Variants in RHAG observed in about 807,000 individuals in gnomAD.
RHAG encodes Rh associated glycoprotein.
Under a neutral mutation model 42.4 loss-of-function variants are expected in RHAG, and 25 were observed. That is an observed-to-expected ratio of 0.59 (90% CI 0.43 to 0.82). The LOEUF (loss-of-function observed/expected upper bound fraction) is 0.82, where lower values mean the gene tolerates loss of function less well. RHAG is among the 40% of genes least tolerant of loss of function. RHAG has a pLI of 0.00. For missense variants in RHAG, 483 were observed against 504.6 expected (o/e 0.96, Z 0.41); for synonymous variants, 182 against 177.7 (o/e 1.02, Z -0.19).
rs764910516 is a variant in RHAG, at chr6:49,614,844, A to C, written c.650T>G (p.Phe217Cys). 4 of 1,614,196 alleles carry C rather than the reference A, an allele frequency of 2.5e-6. No individual in the cohort carries two copies. The highest frequency in any genetic ancestry group is 2.5e-6 in the Non-Finnish European group (3 of 1,180,022). Residue 217 changes from phenylalanine to cysteine, a missense_variant, in exon 5 of 10, where the codon TTT becomes TGT. Physicochemically the swap from Phe to Cys is radical, Grantham distance 205. Coordinates refer to ENST00000371175, the MANE Select transcript of RHAG (RefSeq NM_000324.3). ...AAAGCTGGGCCAAAACATCCACAGA[A>C]AGAGAGTCCCTGTAGTGAACCAAAA... is the stretch of plus-strand genomic sequence containing the variant. The part of the protein sequence containing the change: ...SDLFAMIGTL[F>C]LWMFWPSFNS...
chr6:49,629,590 G>A (rs1762901238), intron 1 of RHAG, among the ~76,000 whole-genome samples: 1 of 152,154 alleles, frequency 6.6e-6, no homozygotes, highest in Non-Finnish European at 1.5e-5. Context: ...TGGGCGCCGT[G>A]GAGCAGGGGG....
rs568222244 is a variant in RHAG, at chr6:49,616,496, T to A, written c.493-725A>T. On this transcript the variant is annotated intron_variant, in intron 3 of 9. Coordinates refer to ENST00000371175, the MANE Select transcript of RHAG (RefSeq NM_000324.3). The stretch of plus-strand genomic sequence containing the variant: ...ACCAGAGTTTTTACCCATATTTTTT[T>A]AATTCTGCTCTATGATGACATGAAA... Among the ~76,000 whole-genome samples the A allele has an allele frequency of 8.1e-4, 124 of 152,276 alleles. 2 individuals carry two copies. The highest frequency in any genetic ancestry group is 2.7e-3 in the African/African-American group (111 of 41,566).
rs562208821 is a variant in RHAG at position 49,618,051 on chromosome 6, A to C, written c.492+17T>G. ...TGATGCCCAAAGCTAGGAAAGTATA[A>C]ATTTTCTAACTCTTACCTTAAATAT... On this transcript the variant is annotated intron_variant, in intron 3 of 9. Transcript: ENST00000371175. 247 of 1,612,212 alleles carry C rather than the reference A, an allele frequency of 1.5e-4. 3 individuals carry two copies. In the South Asian group the frequency reaches 2.6e-3, roughly 17 times the overall value.
At chr6:49,636,293 C>T (rs1192952528) in intron 1 of RHAG, among the ~76,000 whole-genome samples, 1 of 152,130 alleles carries the variant, frequency 6.6e-6, no homozygotes, top group African/African-American at 2.4e-5. Flanking sequence ...TCTCTCTCCT[C>T]CAAAGTTACC....
intron 1 of RHAG, among the ~76,000 whole-genome samples, chr6:49,633,788 T>C (rs1358795990): frequency 6.6e-6 from 1 of 152,148 alleles, no homozygotes; most frequent in Non-Finnish European, 1.5e-5. Context: ...ACATCTCTTG[T>C]CCAAATGCAT....
Position 49,636,820 on chromosome 6 carries a change from G to T in RHAG, c.-8C>A. ...AGGGAATGTGAACCTCATGTTTGTG[G>T]CAAAGGACAGAGGCACACTGAGAGC... On this transcript the variant is annotated 5_prime_UTR_variant, in exon 1 of 10. Coordinates refer to ENST00000371175, the MANE Select transcript of RHAG (RefSeq NM_000324.3). 1 of 1,613,482 alleles carries T rather than the reference G, an allele frequency of 6.2e-7. No individual in the cohort carries two copies. The highest frequency in any genetic ancestry group is 8.5e-7 in the Non-Finnish European group (1 of 1,179,574).
intron 7 of RHAG, among the ~76,000 whole-genome samples, chr6:49,607,766 T>G (rs1182433549): frequency 6.6e-6 from 1 of 152,168 alleles, no homozygotes; most frequent in African/African-American, 2.4e-5. Flanking sequence ...GCCATTGAAG[T>G]GCATAAAGGT....
chr6:49,618,365 A>G, intron 2 of RHAG, 147 bp from the exon 3 acceptor site: 4 of 793,204 alleles, frequency 5.0e-6, no homozygotes, highest in East Asian at 2.6e-5. Flanking sequence ...CTTTTTGACC[A>G]GACACTCTTT....
In RHAG at chr6:49,630,606, G is replaced by C. The variant is rs531882758; in HGVS notation, c.157+6050C>G. Among the ~76,000 whole-genome samples, 7 of 152,132 alleles carry C rather than the reference G, an allele frequency of 4.6e-5. No individual in the cohort carries two copies. The East Asian group carries it at 1.2e-3, about 25-fold the overall frequency. On this transcript the variant is annotated intron_variant, in intron 1 of 9. Coordinates refer to ENST00000371175, the MANE Select transcript of RHAG (RefSeq NM_000324.3). ...CCTTCCTCCCTCTAAATATATTATT[G>C]TTACATATTTCAAATATTTAGAAAA... is the stretch of plus-strand genomic sequence containing the variant.
chr6:49,621,863 G>C (rs1581945559), intron 1 of RHAG, among the ~76,000 whole-genome samples: 1 of 152,042 alleles, frequency 6.6e-6, no homozygotes, highest in South Asian at 2.1e-4. Context: ...ATTTAGGTCA[G>C]GACACTGAGA....
intron 1 of RHAG, among the ~76,000 whole-genome samples, chr6:49,625,307 T>C (rs560993843): frequency 1.3e-5 from 2 of 152,350 alleles, no homozygotes; most frequent in Non-Finnish European, 2.9e-5. Context: ...CAATCTGGGT[T>C]GGAATCTGAC....
intron 5 of RHAG, among the ~76,000 whole-genome samples, chr6:49,614,184 T>A (rs2127351694): frequency 6.6e-6 from 1 of 151,768 alleles, no homozygotes; most frequent in South Asian, 2.1e-4. Context: ...GACAAAAATT[T>A]TTTTTTTCTT....
chr6:49,623,945 C>G (rs6918385), intron 1 of RHAG, among the ~76,000 whole-genome samples: 144,037 of 152,286 alleles, frequency 0.95, 68,141 homozygotes, highest in East Asian at 0.99. Context: ...AAGATAGCAG[C>G]GGGGAGGGAA....
At position 49,610,958 on chromosome 6, in the gene RHAG, C is replaced by A. The variant is rs575755301; in HGVS notation, c.1067+66G>T. On this transcript the variant is annotated intron_variant, in intron 7 of 9. Transcript: ENST00000371175. ...AGAACAGCTAAAATGAAAACTCTCC[C>A]ATTTCTCAGAGTGAGAGAAAACATC... 1.6e-5 allele frequency: 26 copies of A among 1,597,452 alleles called. No homozygotes were observed. In the African/African-American group the frequency reaches 1.9e-4, roughly 12 times the overall value.
At chr6:49,633,464 A>G (rs766952597) in intron 1 of RHAG, among the ~76,000 whole-genome samples, 1 of 152,206 alleles carries the variant, frequency 6.6e-6, no homozygotes, top group Non-Finnish European at 1.5e-5. Flanking sequence ...ATATATATGT[A>G]TATAACACCT....
At chr6:49,627,866 C>A (rs913593124) in intron 1 of RHAG, among the ~76,000 whole-genome samples, 1 of 152,098 alleles carries the variant, frequency 6.6e-6, no homozygotes, top group East Asian at 1.9e-4. Flanking sequence ...GATTCAATTA[C>A]CTTCCACTGG....
intron 5 of RHAG, among the ~76,000 whole-genome samples, chr6:49,612,880 G>C (rs941618414): frequency 2.0e-5 from 3 of 152,042 alleles, no homozygotes; most frequent in African/African-American, 7.2e-5. Flanking sequence ...TGCAGTTTTC[G>C]GAACACATTT....
chr6:49,613,315 C>G (rs982489143), intron 5 of RHAG, among the ~76,000 whole-genome samples: 1 of 152,142 alleles, frequency 6.6e-6, no homozygotes, highest in Non-Finnish European at 1.5e-5. Context: ...GGTGATCCAC[C>G]CACCTTGGCC....
At chr6:49,629,613 G>T (rs1330124617) in intron 1 of RHAG, among the ~76,000 whole-genome samples, 1 of 152,256 alleles carries the variant, frequency 6.6e-6, no homozygotes, top group African/African-American at 2.4e-5. Context: ...GCGTTCATCG[G>T]GGAGGCTCGG....
Sources: gnomAD v4.1 joint callset for allele counts (sites outside exome capture counted in the v4.1 genomes callset) on GRCh38, gnomAD v4.1.1 for gene constraint, MANE v1.5 for transcripts, NCBI Gene and HGNC (gene_info 2026-07-23, HGNC 2026-07-21) for gene names.